The following NAF1 variants were observed in gnomAD, a reference collection of about 807,000 sequenced individuals.
NAF1 encodes the protein nuclear assembly factor 1 ribonucleoprotein.
A neutral mutation model predicts 40.6 loss-of-function variants in NAF1; 11 were observed. The ratio of observed to expected loss-of-function variants is 0.27; its 90% CI spans 0.17 to 0.45. The LOEUF is 0.45. Among genes scored for constraint, NAF1 ranks in the 20% least tolerant of loss-of-function variants. The pLI is 1.00. For synonymous variants in NAF1, 260 were observed against 228.5 expected, an observed-to-expected ratio of 1.14 and a Z score of -1.24; for missense variants, 607 against 611.1, an observed-to-expected ratio of 0.99 and a Z score of 0.07.
intron 3 of NAF1, 88 bp from the exon 4 acceptor site, chr4:163,145,952 T>TAA: frequency 2.8e-6 from 2 of 722,228 alleles, no homozygotes; most frequent in Non-Finnish European, 4.5e-6. Context: ...CCAACATAAT[T>TAA]TAAAAAAAAA....
downstream of NAF1, among the ~76,000 whole-genome samples, chr4:163,123,890 C>T (rs369216545): frequency 1.5e-4 from 23 of 152,206 alleles, no homozygotes; most frequent in South Asian, 3.9e-3. Context: ...TAAGTATTTG[C>T]CTTTACATCA....
chr4:163,145,888 C>T (rs1168093060), intron 3 of NAF1, 24 bp from the exon 4 acceptor site: 1 of 1,101,824 alleles, frequency 9.1e-7, no homozygotes, highest in South Asian at 1.4e-5. Flanking sequence ...TAGATTACTT[C>T]AAGATTTACT....
At chr4:163,115,634 T>C (rs1014844454) in intron 2 of NAF1, among the ~76,000 whole-genome samples, 19 of 152,222 alleles carry the variant, frequency 1.2e-4, no homozygotes, top group Non-Finnish European at 2.6e-4. Flanking sequence ...TTTGGAAGGT[T>C]GGGCAGTATT....
In NAF1 at chr4:163,129,033, C is replaced by T; in HGVS notation, c.1349G>A (p.Gly450Asp). 1 of 1,538,464 alleles carries T rather than the reference C, an allele frequency of 6.5e-7. No individual in the cohort carries two copies. The highest frequency in any genetic ancestry group is 8.8e-7 in the Non-Finnish European group (1 of 1,141,588). ...PPPPPPPVNM[G>D]WATPNMAAHP... ...AGCAGCCATGTTTGGTGTAGCCCAA[C>T]CCATGTTTACAGGTGGGGGTGGTGG... Residue 450 changes from glycine to aspartate, a missense_variant, in exon 8 of 8, where the codon GGT (glycine) becomes GAT (aspartate). Transcript: ENST00000274054.
chr4:163,166,115 G>C (rs1243073156), intron 1 of NAF1, among the ~76,000 whole-genome samples: 1 of 152,076 alleles, frequency 6.6e-6, no homozygotes, highest in African/African-American at 2.4e-5. Flanking sequence ...TCTATACATA[G>C]AACCCTTCAG....
intron 7 of NAF1, among the ~76,000 whole-genome samples, chr4:163,132,222 A>G (rs769643644): frequency 6.6e-6 from 1 of 152,228 alleles, no homozygotes; most frequent in African/African-American, 2.4e-5. Flanking sequence ...TTGGGCATTT[A>G]TTCCAGAAAA....
downstream of NAF1, among the ~76,000 whole-genome samples, chr4:163,109,308 T>C (rs1003749842): frequency 3.9e-5 from 6 of 152,130 alleles, no homozygotes; most frequent in Admixed American, 2.6e-4. Flanking sequence ...TCTTATCAAA[T>C]ATAAAATTTA....
rs578204197 is a variant in NAF1 at position 163,115,310 on chromosome 4, G to A, written c.115-5020C>T. Reference sequence around the variant, plus strand: ...TGCAAGCTCCGCCTCCCAGGTTCACGCCATTCTCCTGCCTCAGCCTCCCGA... The same window carrying A: ...TGCAAGCTCCGCCTCCCAGGTTCACACCATTCTCCTGCCTCAGCCTCCCGA... On this transcript the variant is annotated intron_variant, in intron 2 of 2. Coordinates refer to the NAF1 transcript ENST00000509434. Among the ~76,000 whole-genome samples, 16 of 146,130 alleles carry A rather than the reference G, an allele frequency of 1.1e-4. No individual in the cohort carries two copies. The East Asian group carries it at 2.6e-3, about 23-fold the overall frequency.
intron 4 of NAF1, among the ~76,000 whole-genome samples, chr4:163,144,839 C>CA (rs1020793393): frequency 1.9e-4 from 29 of 151,502 alleles, no homozygotes; most frequent in African/African-American, 6.0e-4. Flanking sequence ...GTGGGAAATA[C>CA]AAAAAAAATG....
intron 2 of NAF1, among the ~76,000 whole-genome samples, chr4:163,150,395 A>G (rs1227280750): frequency 1.3e-5 from 2 of 152,162 alleles, no homozygotes; most frequent in Non-Finnish European, 2.9e-5. Flanking sequence ...GTTAACATGT[A>G]TCTTTCAAAT....
At chr4:163,107,657 T>C (rs1407973215), downstream of NAF1, among the ~76,000 whole-genome samples, 5 of 152,202 alleles carry the variant, frequency 3.3e-5, no homozygotes, top group Non-Finnish European at 5.9e-5. Flanking sequence ...TAGTTCTCTA[T>C]TATTTGTTCC....
chr4:163,120,621 A>G (rs1054434731), intron 2 of NAF1, among the ~76,000 whole-genome samples: 3 of 152,242 alleles, frequency 2.0e-5, no homozygotes, highest in Admixed American at 6.5e-5. Flanking sequence ...GGCTTTCTGT[A>G]CTAGCCTTCA....
At chr4:163,128,498 ATAGTT>A (rs1730734828), downstream of NAF1, among the ~76,000 whole-genome samples, 1 of 152,042 alleles carries the variant, frequency 6.6e-6, no homozygotes, top group African/African-American at 2.4e-5. Flanking sequence ...ATTTATAAAA[ATAGTT>A]TAAAGACTCT....
downstream of NAF1, chr4:163,126,993 ATAAAC>A (rs1730676543): frequency 2.6e-6 from 4 of 1,551,064 alleles, no homozygotes; most frequent in Admixed American, 2.0e-5. Flanking sequence ...TGCATACTTA[ATAAAC>A]TAAAGTAGCA....
intron 2 of NAF1, among the ~76,000 whole-genome samples, chr4:163,159,226 C>T (rs1732118322): frequency 6.6e-6 from 1 of 151,934 alleles, no homozygotes; most frequent in Admixed American, 6.5e-5. Flanking sequence ...TTGAAATATT[C>T]TGTAAGATAT....
chr4:163,110,212 A>G (rs907411016), exon 3 of NAF1: 3 of 676,700 alleles, frequency 4.4e-6, no homozygotes, highest in Non-Finnish European at 8.0e-6. Flanking sequence ...CAGCCATACC[A>G]TCATTTGAGG....
intron 6 of NAF1, among the ~76,000 whole-genome samples, chr4:163,136,886 C>T (rs550105506): frequency 6.6e-6 from 1 of 152,086 alleles, no homozygotes; most frequent in Non-Finnish European, 1.5e-5. Flanking sequence ...ATAATGACAG[C>T]CTGCCTTTAT....
At chr4:163,165,385 T>C (rs769498658) in intron 1 of NAF1, among the ~76,000 whole-genome samples, 18 of 152,212 alleles carry the variant, frequency 1.2e-4, no homozygotes, top group Non-Finnish European at 2.5e-4. Context: ...ATATCCCTTC[T>C]GCTTTCAAAA....
exon 3 of NAF1, chr4:163,110,111 T>G: frequency 1.9e-6 from 1 of 529,518 alleles, no homozygotes. Flanking sequence ...ATACAGTACT[T>G]GAAATCTGTG....
Sources: allele counts gnomAD v4.1 joint callset (sites outside exome capture counted in the v4.1 genomes callset), GRCh38; gene constraint gnomAD v4.1.1; transcripts MANE v1.5; gene names NCBI Gene and HGNC (gene_info 2026-07-23, HGNC 2026-07-21).